The following FAT4 variants were observed in gnomAD, a reference collection of about 807,000 sequenced individuals.
FAT4 encodes FAT atypical cadherin 4, also known as protocadherin Fat 4.
Under a neutral mutation model 303.9 loss-of-function variants are expected in FAT4, and 84 were observed. The observed-to-expected ratio is 0.28, with a 90% CI of 0.23 to 0.33. The LOEUF (loss-of-function observed/expected upper bound fraction) is 0.33, where lower values mean the gene tolerates loss of function less well. FAT4 is among the 10% of genes least tolerant of loss of function. The pLI, the probability that FAT4 is intolerant of heterozygous loss-of-function variation, is 1.00. For missense variants in FAT4, 6,005 were observed against 6,146.8 expected (o/e 0.98, Z 0.77); for synonymous variants, 2,307 against 2,298.8 (o/e 1.00, Z -0.10).
At chr4:125,325,470 A>C (rs540040252) in intron 2 of FAT4, among the ~76,000 whole-genome samples, 3 of 152,168 alleles carry the variant, frequency 2.0e-5, no homozygotes, top group African/African-American at 4.8e-5. Flanking sequence ...TTCATGATAA[A>C]AAGAAAAGAT....
At chr4:125,416,409 G>T in intron 6 of FAT4, 39 bp from the exon 7 acceptor site, 15 of 1,510,870 alleles carry the variant, frequency 9.9e-6, no homozygotes, top group East Asian at 4.7e-5. Flanking sequence ...GAGATGCATT[G>T]TTTGTTTTAC....
chr4:125,336,724 C>T (rs1018230133), intron 2 of FAT4, among the ~76,000 whole-genome samples: 6 of 151,846 alleles, frequency 4.0e-5, no homozygotes, highest in Non-Finnish European at 7.4e-5. Flanking sequence ...AGTAAGTGGT[C>T]TTAGTTGTAT....
intron 2 of FAT4, among the ~76,000 whole-genome samples, chr4:125,354,474 G>A (rs1414529056): frequency 3.3e-5 from 5 of 151,650 alleles, no homozygotes; most frequent in Non-Finnish European, 7.4e-5. Context: ...TTTGCTGATG[G>A]AATATTGAAC....
At chr4:125,409,356 A>G (rs1185113663) in intron 5 of FAT4, among the ~76,000 whole-genome samples, 1 of 151,900 alleles carries the variant, frequency 6.6e-6, no homozygotes, top group Non-Finnish European at 1.5e-5. Flanking sequence ...TCCCAGGTTC[A>G]AGCAATTCTC....
At chr4:125,389,699 T>C (rs1733905763) in intron 2 of FAT4, among the ~76,000 whole-genome samples, 1 of 152,172 alleles carries the variant, frequency 6.6e-6, no homozygotes, top group Admixed American at 6.6e-5. Flanking sequence ...TTTTTTCACA[T>C]TGCAATTTCA....
rs773709146 is a variant in FAT4, at chr4:125,317,888, T to C, written c.1477T>C (p.Tyr493His). ...NLSEEAPPGS[Y>H]VSGISATDGD... ...GAGCGAGGAGGCGCCTCCGGGAAGC[T>C]ATGTGAGTGGGATATCTGCCACTGA... Residue 493 changes from tyrosine (Y) to histidine (H), a missense_variant, in exon 2 of 18, where the codon TAT becomes CAT. Coordinates refer to ENST00000394329, the MANE Select transcript of FAT4 (RefSeq NM_001291303.3). The surrounding 1 kb of genome is among the most constrained non-coding windows in gnomAD (Gnocchi z 7.0). 1 of 1,614,118 alleles carries C rather than the reference T, an allele frequency of 6.2e-7. No individual in the cohort carries two copies. The highest frequency in any genetic ancestry group is 8.5e-7 in the Non-Finnish European group (1 of 1,180,000).
At chr4:125,488,438 C>G (rs997787418) in intron 17 of FAT4, among the ~76,000 whole-genome samples, 3 of 152,130 alleles carry the variant, frequency 2.0e-5, no homozygotes, top group Admixed American at 2.0e-4. Context: ...ACGAGTGGAT[C>G]TACAGAAATG....
At chr4:125,470,568 T>C (rs1726823593) in intron 12 of FAT4, among the ~76,000 whole-genome samples, 1 of 152,210 alleles carries the variant, frequency 6.6e-6, no homozygotes, top group African/African-American at 2.4e-5. Context: ...TGCTTTGTCC[T>C]ACTACCTTAC....
chr4:125,383,099 C>T (rs887539682), intron 2 of FAT4, among the ~76,000 whole-genome samples: 1 of 152,158 alleles, frequency 6.6e-6, no homozygotes, highest in African/African-American at 2.4e-5. Flanking sequence ...TTTGTGTGTT[C>T]TCTGGAGCAG....
intron 8 of FAT4, among the ~76,000 whole-genome samples, chr4:125,441,368 G>T (rs1725655009): frequency 6.6e-6 from 1 of 152,134 alleles, no homozygotes; most frequent in African/African-American, 2.4e-5. Flanking sequence ...GACAGTATCA[G>T]GTACTAAGGC....
intron 12 of FAT4, 139 bp from the exon 13 acceptor site, chr4:125,476,032 G>T (rs1414138940): frequency 4.6e-6 from 2 of 432,506 alleles, no homozygotes; most frequent in Non-Finnish European, 8.5e-6. Flanking sequence ...ATAATTATGT[G>T]ATTTATACAT....
intron 7 of FAT4, among the ~76,000 whole-genome samples, chr4:125,430,601 C>T (rs1315547137): frequency 6.6e-6 from 1 of 151,788 alleles, no homozygotes; most frequent in African/African-American, 2.4e-5. Context: ...TGCACATTTC[C>T]TGGGGTAATA....
chr4:125,435,845 T>C (rs1321376347), intron 8 of FAT4, among the ~76,000 whole-genome samples: 5 of 152,080 alleles, frequency 3.3e-5, no homozygotes, highest in Non-Finnish European at 7.4e-5. Flanking sequence ...CTGGTCTACA[T>C]TTGGATAGAA....
chr4:125,354,853 C>T (rs574588376), intron 2 of FAT4, among the ~76,000 whole-genome samples: 1 of 151,482 alleles, frequency 6.6e-6, no homozygotes, highest in South Asian at 2.1e-4. Flanking sequence ...AACAGTGGAC[C>T]TCAAAGGAAC....
At chr4:125,446,087 C>G (rs2126054397) in intron 8 of FAT4, 1 of 455,900 alleles carries the variant, frequency 2.2e-6, no homozygotes, top group East Asian at 3.7e-5. Flanking sequence ...CATCACTGGA[C>G]ATCTCACGAT....
chr4:125,415,294 G>A lies in FAT4; in HGVS notation c.6331G>A (p.Glu2111Lys). ...TIDGEVRLTG[E>K]LDREEVSNYT... ...TGATGGTGAAGTGAGGCTCACTGGAGAACTGGACAGAGAAGAAGTTTCTAA... is the reference window on the plus strand; with the variant it reads ...TGATGGTGAAGTGAGGCTCACTGGAAAACTGGACAGAGAAGAAGTTTCTAA... The change falls in exon 6 of 18, where the codon GAA (glutamate) becomes AAA (lysine). Residue 2111 changes from glutamate (E) to lysine (K), a missense_variant. Physicochemically the swap from Glu to Lys is moderately conservative, Grantham distance 56 (BLOSUM62 1). Coordinates refer to ENST00000394329, the MANE Select transcript of FAT4 (RefSeq NM_001291303.3). 1 of 1,614,078 alleles carries A rather than the reference G, an allele frequency of 6.2e-7. No individual in the cohort carries two copies. Among genetic ancestry groups the A allele is most frequent in the Non-Finnish European group, 8.5e-7 (1 of 1,179,980 alleles).
chr4:125,322,072 T>C (rs1466200987), intron 2 of FAT4, among the ~76,000 whole-genome samples: 2 of 152,192 alleles, frequency 1.3e-5, no homozygotes, highest in African/African-American at 4.8e-5. Context: ...CAGTATTAAC[T>C]TTCACATCCT....
At position 125,491,701 on chromosome 4, in the gene FAT4, A is replaced by AT. The variant is rs1161918352; in HGVS notation, c.14886dup (p.Glu4963Ter). 1.2e-6 allele frequency: 2 copies of AT among 1,614,072 alleles called. No individual in the cohort carries two copies. The highest frequency in any genetic ancestry group is 1.7e-6 in the Non-Finnish European group (2 of 1,180,028). On this transcript the variant is annotated frameshift_variant, in exon 18 of 18. Coordinates refer to ENST00000394329, the MANE Select transcript of FAT4 (RefSeq NM_001291303.3). LOFTEE classifies it high-confidence loss of function. ...TCTCTTCCAGAAAAAGCAGCAGCAA[A>AT]TGAAGAAGGCAAAGCTGGGACAACT...
At chr4:125,335,136 G>A (rs1456497274) in intron 2 of FAT4, among the ~76,000 whole-genome samples, 1 of 152,138 alleles carries the variant, frequency 6.6e-6, no homozygotes, top group Non-Finnish European at 1.5e-5. Flanking sequence ...GACAATAGAA[G>A]CTTGCCAAAA....
Sources: allele counts gnomAD v4.1 joint callset (sites outside exome capture counted in the v4.1 genomes callset), GRCh38; gene constraint gnomAD v4.1.1; non-coding constraint Gnocchi (gnomAD v3.1); transcripts MANE v1.5; gene names NCBI Gene and HGNC (gene_info 2026-07-23, HGNC 2026-07-21).